The following FAM163A variants were observed in gnomAD, a reference collection of about 807,000 sequenced individuals.
The protein encoded by FAM163A is protein FAM163A.
Under a neutral mutation model 12.0 loss-of-function variants are expected in FAM163A, and 7 were observed. The observed-to-expected ratio is 0.58, with a 90% CI of 0.33 to 1.10. FAM163A has a LOEUF of 1.10. Among genes scored for constraint, FAM163A ranks in the 50% least tolerant of loss-of-function variants. The probability of loss-of-function intolerance (pLI) is 0.03; values close to 1 mark genes in which losing one functional copy is unlikely to be tolerated. For synonymous variants in FAM163A, 101 were observed against 91.0 expected, an observed-to-expected ratio of 1.11 and a Z score of -0.62; for missense variants, 202 against 218.6, an observed-to-expected ratio of 0.92 and a Z score of 0.48.
chr1:179,782,875 G>A (rs1689989262), intron 1 of FAM163A, among the ~76,000 whole-genome samples: 1 of 152,170 alleles, frequency 6.6e-6, no homozygotes, highest in African/African-American at 2.4e-5. Context: ...TCTTCAAACC[G>A]TGGTCACAGT....
intron 1 of FAM163A, among the ~76,000 whole-genome samples, chr1:179,806,338 T>C (rs1230903123): frequency 2.0e-5 from 3 of 152,226 alleles, no homozygotes; most frequent in African/African-American, 7.2e-5. Flanking sequence ...TTAATGTGAA[T>C]GAGAACATCT....
intron 1 of FAM163A, among the ~76,000 whole-genome samples, chr1:179,771,714 C>G (rs1048102562): frequency 1.3e-5 from 2 of 152,124 alleles, no homozygotes; most frequent in Non-Finnish European, 1.5e-5. Context: ...CACATCATCA[C>G]AGCTCCACAT....
At chr1:179,735,963 G>A in the FAM163A span, among the ~76,000 whole-genome samples, 1 of 152,190 alleles carries the variant, frequency 6.6e-6, no homozygotes, top group African/African-American at 2.4e-5. Flanking sequence ...GCTGGGAAAA[G>A]TGGATAGCCA....
At chr1:179,810,284 G>A (rs1282175301) in intron 2 of FAM163A, among the ~76,000 whole-genome samples, 2 of 152,142 alleles carry the variant, frequency 1.3e-5, no homozygotes, top group African/African-American at 2.4e-5. Context: ...GAGCTTCAGG[G>A]CTGGGGCAGT....
chr1:179,771,273 C>A (rs1019418204), intron 1 of FAM163A, among the ~76,000 whole-genome samples: 4 of 152,144 alleles, frequency 2.6e-5, no homozygotes, highest in African/African-American at 9.7e-5. Context: ...CGCTGGCAGC[C>A]CCACCAGCTC....
chr1:179,768,627 G>A (rs897521879), intron 1 of FAM163A, among the ~76,000 whole-genome samples: 1 of 150,576 alleles, frequency 6.6e-6, no homozygotes, highest in Non-Finnish European at 1.5e-5. Flanking sequence ...TTTTTTTTGA[G>A]GCGGAGTCTC....
intron 1 of FAM163A, among the ~76,000 whole-genome samples, chr1:179,743,747 G>C (rs1193570666): frequency 6.6e-6 from 1 of 152,148 alleles, no homozygotes; most frequent in Non-Finnish European, 1.5e-5. Flanking sequence ...GGCGGTGCTC[G>C]CGCCTCGGGG....
At chr1:179,738,256 C>T in the FAM163A span, among the ~76,000 whole-genome samples, 9 of 152,030 alleles carry the variant, frequency 5.9e-5, no homozygotes, top group South Asian at 4.2e-4. Flanking sequence ...TGAATGTTCC[C>T]AACACAAAGA....
intron 1 of FAM163A, among the ~76,000 whole-genome samples, chr1:179,776,410 A>G (rs1224375182): frequency 2.0e-5 from 3 of 151,878 alleles, no homozygotes; most frequent in African/African-American, 7.3e-5. Context: ...AGAATCGCTT[A>G]AACCTGGAAG....
intron 1 of FAM163A, among the ~76,000 whole-genome samples, chr1:179,762,711 T>G (rs1366887743): frequency 3.3e-5 from 5 of 152,218 alleles, no homozygotes. Flanking sequence ...CTTAGCTCCT[T>G]AGTCATCCTC....
At chr1:179,778,837 C>G (rs555677259) in intron 1 of FAM163A, among the ~76,000 whole-genome samples, 17 of 152,258 alleles carry the variant, frequency 1.1e-4, no homozygotes, top group African/African-American at 4.1e-4. Context: ...GTGCAACCCA[C>G]CTAGTAACAA....
chr1:179,728,322 A>G, the FAM163A span, among the ~76,000 whole-genome samples: 1 of 152,148 alleles, frequency 6.6e-6, no homozygotes, highest in East Asian at 1.9e-4. Flanking sequence ...CACTACAGAT[A>G]AAAGTTACTT....
chr1:179,754,641 CT>C (rs1354332758), intron 1 of FAM163A, among the ~76,000 whole-genome samples: 1 of 152,102 alleles, frequency 6.6e-6, no homozygotes, highest in African/African-American at 2.4e-5. Context: ...GGCCAAGAGG[CT>C]TCAAGAGATG....
At chr1:179,770,126 C>T (rs752744149) in intron 1 of FAM163A, among the ~76,000 whole-genome samples, 1 of 152,036 alleles carries the variant, frequency 6.6e-6, no homozygotes, top group Middle Eastern at 3.4e-3. Context: ...AGGATTGTCT[C>T]AATCTCCTGA....
At chr1:179,807,070 C>A (rs1366081756) in intron 1 of FAM163A, among the ~76,000 whole-genome samples, 7 of 146,894 alleles carry the variant, frequency 4.8e-5, no homozygotes, top group African/African-American at 1.0e-4. Context: ...AGTGACAGAG[C>A]AAGACTGTGT....
chr1:179,810,080 G>A (rs541268282), intron 2 of FAM163A, among the ~76,000 whole-genome samples: 81 of 152,232 alleles, frequency 5.3e-4, no homozygotes, highest in African/African-American at 1.8e-3. Flanking sequence ...TTAAGTACCC[G>A]GTATGTGTCA....
At chr1:179,735,263 T>C in the FAM163A span, among the ~76,000 whole-genome samples, 1 of 152,180 alleles carries the variant, frequency 6.6e-6, no homozygotes, top group Non-Finnish European at 1.5e-5. Context: ...GGATAAAATA[T>C]GTTTAAAATC....
At chr1:179,740,721 C>T (rs1180835141), upstream of FAM163A, among the ~76,000 whole-genome samples, 1 of 152,012 alleles carries the variant, frequency 6.6e-6, no homozygotes, top group East Asian at 1.9e-4. Flanking sequence ...TAAGTGGTTT[C>T]AAGAGATTAG....
intron 1 of FAM163A, among the ~76,000 whole-genome samples, chr1:179,747,392 T>TG (rs1479607414): frequency 2.0e-5 from 3 of 152,134 alleles, no homozygotes; most frequent in Non-Finnish European, 4.4e-5. Flanking sequence ...ACAAAGGGGA[T>TG]GGGGGAGATA....
Sources: allele counts gnomAD v4.1 joint callset (sites outside exome capture counted in the v4.1 genomes callset), GRCh38; gene constraint gnomAD v4.1.1; transcripts MANE v1.5; gene names NCBI Gene and HGNC (gene_info 2026-07-23, HGNC 2026-07-21).